Variants in NUP210 observed in about 807,000 individuals in gnomAD.
NUP210 encodes the protein nucleoporin 210.
Under a neutral mutation model 196.0 loss-of-function variants are expected in NUP210, and 151 were observed. The ratio of observed to expected loss-of-function variants is 0.77; its 90% CI spans 0.67 to 0.88. The LOEUF (loss-of-function observed/expected upper bound fraction) is 0.88. Ranked by LOEUF, NUP210 falls within the 40% of genes least tolerant of loss-of-function variation. NUP210 has a pLI of 0.00. For synonymous variants in NUP210, 1,070 were observed against 1,052.7 expected, an observed-to-expected ratio of 1.02 and a Z score of -0.32; for missense variants, 2,314 against 2,493.7, an observed-to-expected ratio of 0.93 and a Z score of 1.53.
In NUP210 at chr3:13,321,591, G is replaced by A; in HGVS notation, c.5160C>T (p.Asn1720=). The stretch of plus-strand genomic sequence containing the variant: ...GCATGCAGATGCCACTCACCTCCAA[G>A]TTCTCCAGAACCTCCGGGGCACCAA... ...RVFGAPEVLE[N]LEVKSGSPAV... is the part of the protein sequence containing the mutation. The change falls in exon 36 of 40, where the codon AAC becomes AAT. Residue 1720 remains asparagine (N), a synonymous_variant. Transcript: ENST00000254508. 6.2e-7 allele frequency: 1 copy of A among 1,613,164 alleles called. No homozygotes were observed. The highest frequency in any genetic ancestry group is 8.5e-7 in the Non-Finnish European group (1 of 1,179,150).
intron 4 of NUP210, among the ~76,000 whole-genome samples, chr3:13,389,837 G>A (rs565209033): frequency 3.9e-5 from 6 of 152,296 alleles, no homozygotes; most frequent in Non-Finnish European, 7.3e-5. Context: ...GTGGAAGAGC[G>A]GAGTCTCACT....
At chr3:13,415,719 A>G (rs1700326323) in intron 1 of NUP210, among the ~76,000 whole-genome samples, 1 of 152,144 alleles carries the variant, frequency 6.6e-6, no homozygotes, top group South Asian at 2.1e-4. Context: ...AACTTCTTAC[A>G]GGCCCTGTTG....
intron 1 of NUP210, among the ~76,000 whole-genome samples, chr3:13,411,886 G>A (rs964897738): frequency 2.0e-5 from 3 of 152,086 alleles, no homozygotes; most frequent in Admixed American, 6.6e-5. Context: ...CATTATAAGC[G>A]CCCAGCACCA....
At chr3:13,388,509 T>C in intron 4 of NUP210, 56 bp from the exon 5 acceptor site, 1 of 1,535,580 alleles carries the variant, frequency 6.5e-7, no homozygotes, top group Non-Finnish European at 8.8e-7. Flanking sequence ...ACAAGATTTG[T>C]CAGAATCTAC....
chr3:13,353,708 AC>A, intron 17 of NUP210, 48 bp from the exon 18 acceptor site: 1 of 1,515,402 alleles, frequency 6.6e-7, no homozygotes, highest in Non-Finnish European at 9.2e-7. Context: ...GCCCATCACC[AC>A]CCCTGAAGCA....
At position 13,356,991 on chromosome 3, in the gene NUP210, A is replaced by G. The variant is rs553275652; in HGVS notation, c.2328+1231T>C. Among the ~76,000 whole-genome samples, 9 of 152,286 alleles carry G rather than the reference A, an allele frequency of 5.9e-5. No individual in the cohort carries two copies. In the South Asian group the frequency reaches 1.7e-3, roughly 28 times the overall value. Reference sequence around the variant, plus strand: ...TGATTTGTTTTTCTTTGAAAATGAGAAAGCTGGGCCAGCCTGGGGTTGAAT... The same window carrying G: ...TGATTTGTTTTTCTTTGAAAATGAGGAAGCTGGGCCAGCCTGGGGTTGAAT... On this transcript the variant is annotated intron_variant, in intron 16 of 39. Coordinates refer to ENST00000254508, the MANE Select transcript of NUP210 (RefSeq NM_024923.4).
At position 13,398,642 on chromosome 3, in the gene NUP210, G is replaced by A. The variant is rs370722933; in HGVS notation, c.304+1083C>T. On this transcript the variant is annotated intron_variant, in intron 2 of 39. Coordinates refer to ENST00000254508, the MANE Select transcript of NUP210 (RefSeq NM_024923.4). ...TCCTGTTAAGAATATTATTTGGGCC[G>A]GGTGTGGTAGCTCACACATGTAATT... Among the ~76,000 whole-genome samples, 33 of 152,230 alleles carry A rather than the reference G, an allele frequency of 2.2e-4. No homozygotes were observed. The East Asian group carries it at 5.0e-3, about 23-fold the overall frequency.
At chr3:13,389,800 T>A (rs551558057) in intron 4 of NUP210, among the ~76,000 whole-genome samples, 43 of 152,212 alleles carry the variant, frequency 2.8e-4, no homozygotes, top group African/African-American at 1.0e-3. Context: ...CTTATAATTA[T>A]ATAGGGGTGA....
chr3:13,412,988 C>T (rs1700227094), intron 1 of NUP210, among the ~76,000 whole-genome samples: 1 of 151,456 alleles, frequency 6.6e-6, no homozygotes. Flanking sequence ...GAAAAAAAGC[C>T]AGGCACAGTA....
rs751387789 is a variant in NUP210 at position 13,335,442 on chromosome 3, C to T, written c.3843+12G>A. On this transcript the variant is annotated intron_variant, in intron 28 of 39. Coordinates refer to ENST00000254508, the MANE Select transcript of NUP210 (RefSeq NM_024923.4). ...CTCCCCCTTCCCTGTGGCCTTTCCA[C>T]CTGCCTCCTACCTGGACTTGGATCT... 3 of 1,609,542 alleles carry T rather than the reference C, an allele frequency of 1.9e-6. No homozygotes were observed. The highest frequency in any genetic ancestry group is 2.2e-5 in the South Asian group (2 of 90,976).
intron 36 of NUP210, 117 bp downstream of exon 36, chr3:13,321,467 TA>T: frequency 2.6e-6 from 3 of 1,140,050 alleles, no homozygotes; most frequent in Non-Finnish European, 3.7e-6. Flanking sequence ...ATTCTAATTG[TA>T]AAAATAAATT....
Position 13,391,771 on chromosome 3 carries a change from C to T in NUP210, c.437-464G>A, listed in dbSNP as rs1419322404. Among the ~76,000 whole-genome samples the T allele has an allele frequency of 4.6e-5, 7 of 151,762 alleles. No homozygotes were observed. The South Asian group carries it at 1.1e-3, about 23-fold the overall frequency. On this transcript the variant is annotated intron_variant, in intron 3 of 39. Transcript: ENST00000254508. The stretch of plus-strand genomic sequence containing the variant: ...GGTGGAGGGGCATTACCCAAACTGT[C>T]TAGTGTCACATGACTCTTGTCTCTT...
At chr3:13,401,286 T>C (rs1376341101) in intron 1 of NUP210, among the ~76,000 whole-genome samples, 2 of 50,792 alleles carry the variant, frequency 3.9e-5, no homozygotes, top group African/African-American at 1.0e-4. Context: ...AAAAAGGCAA[T>C]GGTGCGGAAC....
intron 4 of NUP210, among the ~76,000 whole-genome samples, chr3:13,390,590 G>A (rs946512803): frequency 1.3e-5 from 2 of 152,176 alleles, no homozygotes; most frequent in Admixed American, 6.5e-5. Context: ...TGGCTCCCAC[G>A]AGACAGTGCA....
intron 1 of NUP210, among the ~76,000 whole-genome samples, chr3:13,412,247 T>TTTTTTTTTAA (rs1553605356): frequency 1.5e-5 from 2 of 135,646 alleles, no homozygotes; most frequent in African/African-American, 6.5e-5. Context: ...TTTTTTTTTT[T>TTTTTTTTTAA]AGTAGAGACA....
chr3:13,335,747 G>T, intron 27 of NUP210, 135 bp from the exon 28 acceptor site: 2 of 986,872 alleles, frequency 2.0e-6, no homozygotes, highest in Non-Finnish European at 3.0e-6. Context: ...CAAGGGCTCT[G>T]CCTTCCTGCC....
chr3:13,402,573 G>T (rs999474745), intron 1 of NUP210, among the ~76,000 whole-genome samples: 1 of 152,038 alleles, frequency 6.6e-6, no homozygotes, highest in Non-Finnish European at 1.5e-5. Context: ...GAGATGCCTG[G>T]ACAGCCTGCA....
At chr3:13,338,654 G>C (rs1159186567) in intron 25 of NUP210, among the ~76,000 whole-genome samples, 3 of 152,184 alleles carry the variant, frequency 2.0e-5, no homozygotes, top group African/African-American at 7.2e-5. Context: ...CTCTGGATTG[G>C]ACAGATGGAA....
intron 4 of NUP210, among the ~76,000 whole-genome samples, chr3:13,389,324 T>C (rs1699402658): frequency 6.6e-6 from 1 of 152,142 alleles, no homozygotes; most frequent in African/African-American, 2.4e-5. Context: ...GGACAGGGAT[T>C]CAGCATCCCC....
Sources: gnomAD v4.1 joint callset for allele counts (sites outside exome capture counted in the v4.1 genomes callset) on GRCh38, gnomAD v4.1.1 for gene constraint, MANE v1.5 for transcripts, NCBI Gene and HGNC (gene_info 2026-07-23, HGNC 2026-07-21) for gene names.